The following RELT variants were observed in gnomAD, a reference collection of about 807,000 sequenced individuals.
The protein encoded by RELT is tumor necrosis factor receptor superfamily member 19L.
In RELT, 37 loss-of-function variants were observed where a neutral mutation model predicts 51.1. That is an observed-to-expected ratio of 0.72 (90% CI 0.56 to 0.95). The LOEUF is 0.95. Ranked by LOEUF, RELT falls within the 40% of genes least tolerant of loss-of-function variation. The probability of loss-of-function intolerance (pLI) is 0.00; values close to 1 mark genes in which losing one functional copy is unlikely to be tolerated. For missense variants in RELT, 535 were observed against 572.6 expected (o/e 0.93, Z 0.67); for synonymous variants, 241 against 235.7 (o/e 1.02, Z -0.21).
intron 1 of RELT, among the ~76,000 whole-genome samples, chr11:73,377,513 C>T (rs1359496728): frequency 6.6e-6 from 1 of 152,050 alleles, no homozygotes; most frequent in East Asian, 1.9e-4. Context: ...TGGGCAACAT[C>T]TGGTGGGGTG....
chr11:73,394,337 A>T lies in RELT; in HGVS notation c.788+20A>T, dbSNP rs1348378897. ...GTCCAAGTGAGTGGGCTGGTGGGAG[A>T]TAACGGGGCCAAAACCTACATTAAC... On this transcript the variant is annotated intron_variant, in intron 8 of 10. Transcript: ENST00000064780. The surrounding 1 kb of genome is among the most constrained non-coding windows in gnomAD (Gnocchi z 4.9). 1.2e-6 allele frequency: 2 copies of T among 1,612,630 alleles called. No homozygotes were observed. Among genetic ancestry groups the T allele is most frequent in the Non-Finnish European group, 1.7e-6 (2 of 1,179,476 alleles).
In RELT at chr11:73,394,809, C is replaced by G. The variant is rs1866284845; in HGVS notation, c.1046+75C>G. ...GGGGCCGGGAGGGGGAGGCAGGGCC[C>G]CAGCTTGGGCCCTGAGCACCCTGCT... On this transcript the variant is annotated intron_variant, in intron 9 of 10. Coordinates refer to ENST00000064780, the MANE Select transcript of RELT (RefSeq NM_152222.2). The surrounding 1 kb of genome is among the most constrained non-coding windows in gnomAD (Gnocchi z 4.9). 6.5e-7 allele frequency: 1 copy of G among 1,530,054 alleles called. No individual in the cohort carries two copies. Among genetic ancestry groups the G allele is most frequent in the Admixed American group, 1.8e-5 (1 of 54,674 alleles). 94.8% of individuals were successfully genotyped at this position (1,530,054 alleles called of 1,614,324 possible). A position where few individuals can be genotyped will look rare whatever the true frequency, so the allele number is the denominator to read the frequency against.
chr11:73,395,309 C>A, intron 10 of RELT, 24 bp downstream of exon 10: 1 of 1,611,004 alleles, frequency 6.2e-7, no homozygotes. Context: ...AGAAAGGCAT[C>A]TGTTGGCACC....
At chr11:73,386,740 G>A (rs1866129886) in intron 1 of RELT, among the ~76,000 whole-genome samples, 1 of 152,192 alleles carries the variant, frequency 6.6e-6, no homozygotes, top group Admixed American at 6.5e-5. Flanking sequence ...TCTGTCTGCA[G>A]ATGAGCAGCT....
At chr11:73,393,259 G>A in intron 6 of RELT, 1 of 1,012,074 alleles carries the variant, frequency 9.9e-7, no homozygotes, top group Non-Finnish European at 1.2e-6. Context: ...CTGGGACTGT[G>A]CTTGTTTTCC....
intron 1 of RELT, among the ~76,000 whole-genome samples, chr11:73,385,662 C>T (rs1057342880): frequency 6.6e-6 from 1 of 152,170 alleles, no homozygotes; most frequent in Admixed American, 6.5e-5. Context: ...AGCCCTCTGC[C>T]AGCAGGGCAG....
At position 73,395,875 on chromosome 11, in the gene RELT, C is replaced by T; in HGVS notation, c.*384C>T. On this transcript the variant is annotated 3_prime_UTR_variant, in exon 11 of 11. Coordinates refer to ENST00000064780, the MANE Select transcript of RELT (RefSeq NM_152222.2). Reference sequence around the variant, plus strand: ...GGCCCCATTCCTTGGTAATTAGCCACACCCTTGCCTCTGTACAGGGCCCTA... The same window carrying T: ...GGCCCCATTCCTTGGTAATTAGCCATACCCTTGCCTCTGTACAGGGCCCTA... 3.0e-6 allele frequency: 1 copy of T among 335,326 alleles called. No individual in the cohort carries two copies. The highest frequency in any genetic ancestry group is 3.6e-5 in the South Asian group (1 of 27,964). The allele number at this position is 335,326 out of a possible 1,614,324, so 20.8% of individuals were successfully genotyped here.
chr11:73,390,759 C>A lies in RELT; in HGVS notation c.125C>A (p.Pro42Gln). The A allele has an allele frequency of 1.2e-6, 2 of 1,607,860 alleles. No homozygotes were observed. The highest frequency in any genetic ancestry group is 1.7e-6 in the Non-Finnish European group (2 of 1,177,446). ...CPPGEEPDLD[P>Q]GQGTLCRPCP... is the part of the protein sequence containing the mutation. The stretch of plus-strand genomic sequence containing the variant: ...CTCACCCTTTACCTCCCACAGGACC[C>A]AGGGCAGGGCACATTATGCAGGCCC... Residue 42 changes from proline to glutamine, a missense_variant, in exon 4 of 11, where the codon CCA (proline) becomes CAA (glutamine). Pro to Gln is a moderately conservative substitution (Grantham distance 76, BLOSUM62 -1). Coordinates refer to ENST00000064780, the MANE Select transcript of RELT (RefSeq NM_152222.2).
chr11:73,383,524 C>T (rs1200424128), intron 1 of RELT, among the ~76,000 whole-genome samples: 1 of 152,246 alleles, frequency 6.6e-6, no homozygotes, highest in Non-Finnish European at 1.5e-5. Flanking sequence ...TCAGTTGAGC[C>T]ACCTACTGGG....
chr11:73,386,768 G>T (rs1277804472), intron 1 of RELT, among the ~76,000 whole-genome samples: 1 of 152,114 alleles, frequency 6.6e-6, no homozygotes, highest in Non-Finnish European at 1.5e-5. Flanking sequence ...TGCTCCCTGT[G>T]GGCTCAGGTC....
chr11:73,394,364 AGCCT>A lies in RELT; in HGVS notation c.788+52_788+55del. 6.2e-7 allele frequency: 1 copy of A among 1,610,744 alleles called. No homozygotes were observed. The highest frequency in any genetic ancestry group is 1.8e-4 in the Middle Eastern group (1 of 5,540). Reference sequence around the variant, plus strand: ...AACGGGGCCAAAACCTACATTAACCAGCCTGCCTCCTGGGGATCTCCCACTTGGG... The same window carrying A: ...AACGGGGCCAAAACCTACATTAACCAGCCTCCTGGGGATCTCCCACTTGGG... On this transcript the variant is annotated intron_variant, in intron 8 of 10. Coordinates refer to ENST00000064780, the MANE Select transcript of RELT (RefSeq NM_152222.2). The surrounding 1 kb of genome is among the most constrained non-coding windows in gnomAD (Gnocchi z 4.9).
intron 1 of RELT, chr11:73,384,517 T>A (rs1257204278): frequency 6.6e-6 from 1 of 152,392 alleles, no homozygotes; most frequent in Non-Finnish European, 1.5e-5. Flanking sequence ...GAGTACTTAA[T>A]GTGATTCTCT....
chr11:73,392,736 A>G (rs1021116786), intron 6 of RELT: 37 of 1,389,368 alleles, frequency 2.7e-5, no homozygotes, highest in Middle Eastern at 2.7e-4. Context: ...GGGGATCTGG[A>G]CTCTTTGGAG....
chr11:73,390,450 T>A, intron 2 of RELT, 101 bp from the exon 3 acceptor site: 3 of 1,088,826 alleles, frequency 2.8e-6, no homozygotes, highest in Middle Eastern at 4.3e-4. Flanking sequence ...TAGTCAGTGG[T>A]CCCTACCACT....
intron 1 of RELT, among the ~76,000 whole-genome samples, chr11:73,383,321 G>A (rs1407262377): frequency 5.9e-5 from 9 of 152,150 alleles, no homozygotes; most frequent in African/African-American, 2.2e-4. Context: ...CTTTTTCCCC[G>A]CTCTGGGAAT....
At position 73,393,906 on chromosome 11, in the gene RELT, CAG is replaced by C; in HGVS notation, c.699_700del (p.Lys234GlufsTer65). 2 of 1,613,890 alleles carry C rather than the reference CAG, an allele frequency of 1.2e-6. No homozygotes were observed. Among genetic ancestry groups the C allele is most frequent in the Non-Finnish European group, 1.7e-6 (2 of 1,179,862 alleles). On this transcript the variant is annotated frameshift_variant, in exon 7 of 11. Coordinates refer to ENST00000064780, the MANE Select transcript of RELT (RefSeq NM_152222.2). LOFTEE classifies it high-confidence loss of function. The stretch of plus-strand genomic sequence containing the variant: ...ATTGGGGTCCTGGTGCGCTTGATCA[CAG>C]AGAAGAAAGGTGAGGAGAAGGTCTG...
intron 6 of RELT, chr11:73,393,343 G>A: frequency 8.9e-7 from 1 of 1,120,800 alleles, no homozygotes; most frequent in Non-Finnish European, 1.1e-6. Flanking sequence ...CTGGGCCCAG[G>A]GCTGATCATC....
Position 73,395,136 on chromosome 11 carries a change from G to A in RELT, c.1096G>A (p.Glu366Lys). 1 of 1,613,668 alleles carries A rather than the reference G, an allele frequency of 6.2e-7. No homozygotes were observed. Among genetic ancestry groups the A allele is most frequent in the Non-Finnish European group, 8.5e-7 (1 of 1,180,012 alleles). ...GCAGCGGACAAGTTCAATGGTGTCT[G>A]AGGTGAAGACCATCACGGAGGCTGG... is the stretch of plus-strand genomic sequence containing the variant. ...PEQRTSSMVSEVKTITEAGPS... is the reference protein window; with the variant it reads ...PEQRTSSMVSKVKTITEAGPS... Residue 366 changes from glutamate (E) to lysine (K), a missense_variant, in exon 10 of 11, where the codon GAG (glutamate) becomes AAG (lysine). By Grantham distance (56) the Glu-to-Lys change is moderately conservative. Transcript: ENST00000064780.
At position 73,394,795 on chromosome 11, in the gene RELT, G is replaced by T. The variant is rs754819013; in HGVS notation, c.1046+61G>T. The stretch of plus-strand genomic sequence containing the variant: ...GACGTGACAGCCTGGGGGCCGGGAG[G>T]GGGAGGCAGGGCCCCAGCTTGGGCC... On this transcript the variant is annotated intron_variant, in intron 9 of 10. Transcript: ENST00000064780. This position sits in a 1 kb window ranked among gnomAD's most constrained non-coding sequence, Gnocchi z 4.9. 711 of 1,562,390 alleles carry T rather than the reference G, an allele frequency of 4.6e-4. No individual in the cohort carries two copies. The highest frequency in any genetic ancestry group is 5.8e-4 in the Non-Finnish European group (671 of 1,156,026).
Sources: allele counts gnomAD v4.1 joint callset (sites outside exome capture counted in the v4.1 genomes callset), GRCh38; gene constraint gnomAD v4.1.1; non-coding constraint Gnocchi (gnomAD v3.1); transcripts MANE v1.5; gene names NCBI Gene and HGNC (gene_info 2026-07-23, HGNC 2026-07-21).